ZSCAN18: variants seen among roughly 807,000 people sequenced by gnomAD.
ZSCAN18 encodes zinc finger and SCAN domain containing 18.
ZSCAN18 carries 16 observed loss-of-function variants against 31.1 expected under a neutral mutation model. The ratio of observed to expected loss-of-function variants is 0.51; its 90% CI spans 0.35 to 0.78. The LOEUF is 0.78. ZSCAN18 is among the 30% of genes least tolerant of loss of function. The pLI is 0.01. For missense variants in ZSCAN18, 731 were observed against 697.4 expected, an observed-to-expected ratio of 1.05 and a Z score of -0.54; for synonymous variants, 375 against 320.7, an observed-to-expected ratio of 1.17 and a Z score of -1.81.
chr19:58,084,796 G>A lies in ZSCAN18; in HGVS notation c.1422C>T (p.Ala474=). The stretch of plus-strand genomic sequence containing the variant: ...CGCGGGTGGACGGTTGGGGGCCCCG[G>A]GCGCCCCCCAGCGCGTAGCTTTTCT... The part of the protein sequence containing the change: ...EKEKSYALGG[A]RGPQPSTREA... The change falls in exon 7 of 7, where the codon GCC becomes GCT. Residue 474 remains alanine (A), a synonymous_variant. Coordinates refer to ENST00000601144, the MANE Select transcript of ZSCAN18 (RefSeq NM_001145543.2). This position sits in a 1 kb window ranked among gnomAD's most constrained non-coding sequence, Gnocchi z 4.5. 6.3e-7 allele frequency: 1 copy of A among 1,579,770 alleles called. No individual in the cohort carries two copies. Among genetic ancestry groups the A allele is most frequent in the Non-Finnish European group, 8.6e-7 (1 of 1,168,724 alleles).
intron 1 of ZSCAN18, among the ~76,000 whole-genome samples, chr19:58,092,981 T>C (rs2145993547): frequency 6.6e-6 from 1 of 152,218 alleles, no homozygotes; most frequent in East Asian, 1.9e-4. Flanking sequence ...CTCACTATGT[T>C]GCCCAGGCTG....
chr19:58,087,150 T>G (rs1357287848), intron 4 of ZSCAN18, 142 bp from the exon 5 acceptor site: 19 of 996,038 alleles, frequency 1.9e-5, no homozygotes, highest in Non-Finnish European at 2.8e-5. Context: ...GGCAGCCCCC[T>G]TCGCACCACA....
chr19:58,117,753 G>A (rs1600022275), intron 1 of ZSCAN18, among the ~76,000 whole-genome samples: 1 of 150,674 alleles, frequency 6.6e-6, no homozygotes, highest in Admixed American at 6.6e-5. Flanking sequence ...GGGAGGCTGA[G>A]GTTAAGGGAC....
chr19:58,107,800 C>A, intron 1 of ZSCAN18: 1 of 994,010 alleles, frequency 1.0e-6, no homozygotes, highest in Non-Finnish European at 1.2e-6. Flanking sequence ...CTAGCGAGAG[C>A]ACAGATACTT....
upstream of ZSCAN18, among the ~76,000 whole-genome samples, chr19:58,102,952 G>A (rs1371713194): frequency 6.6e-6 from 1 of 151,854 alleles, no homozygotes; most frequent in Non-Finnish European, 1.5e-5. Context: ...GCAAAACCTC[G>A]TCTCTACTAC....
At chr19:58,089,302 CAAAAAAAAA>C (rs374086957) in intron 2 of ZSCAN18, among the ~76,000 whole-genome samples, 1 of 45,292 alleles carries the variant, frequency 2.2e-5, no homozygotes, top group Non-Finnish European at 3.9e-5. Context: ...GACTCCGTCT[CAAAAAAAAA>C]AAAAAAAAAA....
chr19:58,107,963 G>A, intron 1 of ZSCAN18: 5 of 1,061,362 alleles, frequency 4.7e-6, no homozygotes, highest in South Asian at 3.9e-5. Flanking sequence ...GGTGCCAGAT[G>A]AGGCCCGCGA....
chr19:58,092,785 T>G, intron 1 of ZSCAN18: 1 of 932,722 alleles, frequency 1.1e-6, no homozygotes, highest in South Asian at 4.9e-5. Flanking sequence ...TTTTTTTTTT[T>G]TTTTTAAACA....
At chr19:58,099,441 T>G (rs1324947452), upstream of ZSCAN18, among the ~76,000 whole-genome samples, 1 of 152,196 alleles carries the variant, frequency 6.6e-6, no homozygotes, top group Non-Finnish European at 1.5e-5. Context: ...TTCATTCCAT[T>G]TTATTGAGAA....
At chr19:58,096,083 C>T (rs750972060) in intron 1 of ZSCAN18, among the ~76,000 whole-genome samples, 5 of 152,100 alleles carry the variant, frequency 3.3e-5, no homozygotes, top group South Asian at 2.1e-4. Flanking sequence ...GAGATCTCAC[C>T]GGGGCAGGTG....
upstream of ZSCAN18, chr19:58,098,377 C>T: frequency 1.0e-6 from 1 of 985,516 alleles, no homozygotes; most frequent in Non-Finnish European, 1.2e-6. Context: ...TGTGGCCTCC[C>T]GGCGTCCCGC....
upstream of ZSCAN18, among the ~76,000 whole-genome samples, chr19:58,100,342 C>G (rs1163377786): frequency 2.0e-5 from 3 of 152,222 alleles, no homozygotes; most frequent in East Asian, 5.8e-4. Context: ...ACTGAAGGTG[C>G]AGTGCATCCA....
upstream of ZSCAN18, among the ~76,000 whole-genome samples, chr19:58,099,481 A>G (rs2074574356): frequency 6.6e-6 from 1 of 152,182 alleles, no homozygotes; most frequent in Non-Finnish European, 1.5e-5. Context: ...AGCAGTTTAA[A>G]CCTTCTCCCA....
chr19:58,115,400 A>G (rs1441813996), intron 1 of ZSCAN18, among the ~76,000 whole-genome samples: 1 of 152,268 alleles, frequency 6.6e-6, no homozygotes, highest in Non-Finnish European at 1.5e-5. Flanking sequence ...CATTGCAGAA[A>G]ATCTGGAAAA....
chr19:58,108,154 T>C (rs530454759), intron 1 of ZSCAN18: 1 of 986,836 alleles, frequency 1.0e-6, no homozygotes, highest in African/African-American at 1.7e-5. Context: ...TTGGAGAATT[T>C]TTCACACTCC....
At chr19:58,089,497 G>T (rs2074365515) in intron 2 of ZSCAN18, among the ~76,000 whole-genome samples, 1 of 151,766 alleles carries the variant, frequency 6.6e-6, no homozygotes, top group Non-Finnish European at 1.5e-5. Context: ...ATCGTGGCAG[G>T]CGCCTGTAAT....
intron 1 of ZSCAN18, among the ~76,000 whole-genome samples, chr19:58,113,875 G>T (rs1395207619): frequency 6.6e-6 from 1 of 152,188 alleles, no homozygotes; most frequent in African/African-American, 2.4e-5. Context: ...CTACTCGGGA[G>T]GCTGAGGCAG....
chr19:58,084,916 G>T lies in ZSCAN18; in HGVS notation c.1302C>A (p.Ser434Arg). The change falls in exon 7 of 7, where the codon AGC (serine) becomes AGA (arginine). Residue 434 changes from serine (S) to arginine (R), a missense_variant. Ser to Arg is a moderately radical substitution (Grantham distance 110, BLOSUM62 -1). This residue lies in a region of ZSCAN18 where 597 missense variants were observed against 499.5 expected (regional missense o/e 1.20). Transcript: ENST00000601144. This position sits in a 1 kb window ranked among gnomAD's most constrained non-coding sequence, Gnocchi z 4.5. ...WLSHLMEHHS[S>R]HGGRKRYACQ... ...AGGCGTAGCGCTTCCGGCCGCCATG[G>T]CTGCTGTGGTGCTCCATCAGGTGCG... 6.3e-7 allele frequency: 1 copy of T among 1,595,596 alleles called. No homozygotes were observed.
chr19:58,115,334 C>G (rs962688947), intron 1 of ZSCAN18, among the ~76,000 whole-genome samples: 1 of 152,208 alleles, frequency 6.6e-6, no homozygotes, highest in Admixed American at 6.5e-5. Flanking sequence ...AATAAAACTT[C>G]AAATTCCATT....
Sources: allele counts gnomAD v4.1 joint callset (sites outside exome capture counted in the v4.1 genomes callset), GRCh38; gene constraint gnomAD v4.1.1; regional missense constraint gnomAD v4.1.1; non-coding constraint Gnocchi (gnomAD v3.1); transcripts MANE v1.5; gene names NCBI Gene and HGNC (gene_info 2026-07-23, HGNC 2026-07-21).